The following ALG6 variants were observed in gnomAD, a reference collection of about 807,000 sequenced individuals.
ALG6 encodes ALG6 alpha-1,3-glucosyltransferase.
ALG6 carries 46 observed loss-of-function variants against 66.6 expected under a neutral mutation model. The ratio of observed to expected loss-of-function variants is 0.69; its 90% CI spans 0.55 to 0.88. The LOEUF is 0.88. ALG6 is among the 40% of genes least tolerant of loss of function. The probability of loss-of-function intolerance (pLI) is 0.00; values close to 1 mark genes in which losing one functional copy is unlikely to be tolerated. For missense variants in ALG6, 505 were observed against 586.8 expected (o/e 0.86, Z 1.44); for synonymous variants, 185 against 203.7 (o/e 0.91, Z 0.78).
intron 3 of ALG6, among the ~76,000 whole-genome samples, chr1:63,397,251 T>G (rs539504291): frequency 5.9e-4 from 89 of 152,122 alleles, no homozygotes; most frequent in African/African-American, 2.1e-3. Context: ...AGTGGCGTGA[T>G]CTCAGCTCAC....
chr1:63,428,708 A>G (rs777759418), intron 12 of ALG6, 25 bp from the exon 13 acceptor site: 2 of 1,472,348 alleles, frequency 1.4e-6, no homozygotes, highest in Non-Finnish European at 1.9e-6. Flanking sequence ...GTAATATTAA[A>G]ATATTTTTTT....
At chr1:63,392,019 CT>C (rs926757062) in intron 2 of ALG6, among the ~76,000 whole-genome samples, 8 of 151,554 alleles carry the variant, frequency 5.3e-5, no homozygotes, top group East Asian at 1.9e-4. Context: ...ATTTTAATAA[CT>C]TTTTTTTTCC....
chr1:63,379,575 C>G (rs986287974), intron 2 of ALG6, among the ~76,000 whole-genome samples: 1 of 152,034 alleles, frequency 6.6e-6, no homozygotes, highest in East Asian at 1.9e-4. Flanking sequence ...GGCTATTGAC[C>G]ACCAGAGATC....
At chr1:63,430,587 C>T (rs1238235022) in intron 14 of ALG6, among the ~76,000 whole-genome samples, 1 of 152,142 alleles carries the variant, frequency 6.6e-6, no homozygotes, top group East Asian at 1.9e-4. Context: ...TATAACCATC[C>T]TAGTGGGTGT....
intron 2 of ALG6, among the ~76,000 whole-genome samples, chr1:63,392,247 T>C (rs996635645): frequency 6.6e-6 from 1 of 152,028 alleles, no homozygotes; most frequent in African/African-American, 2.4e-5. Flanking sequence ...CTCGGCTCAC[T>C]GCAACCTCTG....
intron 12 of ALG6, among the ~76,000 whole-genome samples, chr1:63,426,036 G>A (rs576659871): frequency 2.6e-5 from 4 of 152,252 alleles, no homozygotes; most frequent in South Asian, 2.1e-4. Flanking sequence ...GAAGAGAGGC[G>A]TTATAGCAAA....
At chr1:63,399,739 A>G (rs969934975) in intron 3 of ALG6, among the ~76,000 whole-genome samples, 3 of 152,164 alleles carry the variant, frequency 2.0e-5, no homozygotes, top group Non-Finnish European at 2.9e-5. Flanking sequence ...AGAGAAAACT[A>G]CATCTTAAAG....
chr1:63,436,051 G>A (rs1458598414), intron 14 of ALG6, among the ~76,000 whole-genome samples: 1 of 152,114 alleles, frequency 6.6e-6, no homozygotes, highest in Non-Finnish European at 1.5e-5. Context: ...TCTTTCATGT[G>A]CCTTCGTGTG....
rs112610305 is a variant in ALG6 at position 63,391,090 on chromosome 1, A to G, written c.83-5423A>G. 2.8e-3 allele frequency among the ~76,000 whole-genome samples: 420 copies of G among 152,252 alleles called. 4 individuals carry two copies. The highest frequency in any genetic ancestry group is 9.3e-3 in the African/African-American group (385 of 41,536). ...GCCATCCTGCTCTGCCTCCTCTGTC[A>G]TAGTTTGTTTTTTAATATGCTTATT... On this transcript the variant is annotated intron_variant, in intron 2 of 14. Coordinates refer to ENST00000263440, the MANE Select transcript of ALG6 (RefSeq NM_013339.4).
At chr1:63,368,871 G>C (rs1389059332) in intron 1 of ALG6, among the ~76,000 whole-genome samples, 1 of 152,128 alleles carries the variant, frequency 6.6e-6, no homozygotes. Flanking sequence ...GTTGTAACTT[G>C]TTAATTTATC....
intron 2 of ALG6, among the ~76,000 whole-genome samples, chr1:63,375,440 A>G (rs1247730053): frequency 5.7e-5 from 6 of 106,124 alleles, no homozygotes; most frequent in African/African-American, 1.9e-4. Flanking sequence ...TTTTTTTTCC[A>G]GTAGAGACAG....
chr1:63,368,888 T>C lies in ALG6; in HGVS notation c.-208+1201T>C, dbSNP rs561630859. Among the ~76,000 whole-genome samples the C allele has an allele frequency of 2.0e-5, 3 of 152,264 alleles. No individual in the cohort carries two copies. The South Asian group carries it at 6.2e-4, about 32-fold the overall frequency. The stretch of plus-strand genomic sequence containing the variant: ...TGTAACTTGTTAATTTATCCTAAAG[T>C]CAACACATTTCCTAACCACTACTCA... On this transcript the variant is annotated intron_variant, in intron 1 of 14. Transcript: ENST00000263440.
At chr1:63,372,685 A>G (rs1647971762) in intron 2 of ALG6, among the ~76,000 whole-genome samples, 1 of 152,064 alleles carries the variant, frequency 6.6e-6, no homozygotes, top group Admixed American at 6.6e-5. Context: ...TTTTTGAGAA[A>G]AAAAAGCTCT....
intron 6 of ALG6, among the ~76,000 whole-genome samples, chr1:63,406,644 T>G (rs1367599388): frequency 1.3e-5 from 2 of 152,110 alleles, no homozygotes; most frequent in Non-Finnish European, 2.9e-5. Flanking sequence ...TTGCTGAATT[T>G]GTTACTTTAC....
At position 63,429,043 on chromosome 1, in the gene ALG6, GA is replaced by G. The variant is rs762913596; in HGVS notation, c.1245del (p.Glu415AspfsTer4). Reference protein sequence around the residue: ...FSIFEKTSEEELQLKSFSISV... With the variant: ...FSIFEKTSEEXLQLKSFSISV... The stretch of plus-strand genomic sequence containing the variant: ...AATATTTGAAAAGACTTCTGAAGAA[GA>G]ACTGCAGTTGAAATCCTTTTCCATT... On this transcript the variant is annotated frameshift_variant, in exon 14 of 15. Coordinates refer to ENST00000263440, the MANE Select transcript of ALG6 (RefSeq NM_013339.4). LOFTEE classifies it high-confidence loss of function. 3 of 1,607,602 alleles carry G rather than the reference GA, an allele frequency of 1.9e-6. No homozygotes were observed. The highest frequency in any genetic ancestry group is 1.7e-5 in the Admixed American group (1 of 58,822).
intron 9 of ALG6, 138 bp from the exon 10 acceptor site, chr1:63,413,923 A>T: frequency 1.6e-6 from 1 of 644,582 alleles, no homozygotes; most frequent in Admixed American, 2.4e-5. Flanking sequence ...TTCCTGGAGG[A>T]TTTAATCTAT....
At chr1:63,431,687 C>A (rs1265590019) in intron 14 of ALG6, among the ~76,000 whole-genome samples, 1 of 152,124 alleles carries the variant, frequency 6.6e-6, no homozygotes. Context: ...TATTTAATTT[C>A]TTTCAACAAT....
At chr1:63,411,805 T>C in intron 8 of ALG6, 121 bp from the exon 9 acceptor site, 2 of 1,359,426 alleles carry the variant, frequency 1.5e-6, no homozygotes, top group Non-Finnish European at 2.1e-6. Flanking sequence ...AAGCCTATAT[T>C]GGTAACATAG....
At chr1:63,386,224 T>C (rs1648498409) in intron 2 of ALG6, among the ~76,000 whole-genome samples, 1 of 152,346 alleles carries the variant, frequency 6.6e-6, no homozygotes, top group East Asian at 1.9e-4. Flanking sequence ...GCTAGTATTT[T>C]GTTGTGGATT....
Sources: gnomAD v4.1 joint callset for allele counts (sites outside exome capture counted in the v4.1 genomes callset) on GRCh38, gnomAD v4.1.1 for gene constraint, MANE v1.5 for transcripts, NCBI Gene and HGNC (gene_info 2026-07-23, HGNC 2026-07-21) for gene names.